HIPK3: variants seen among roughly 807,000 people sequenced by gnomAD.
HIPK3 encodes homeodomain interacting protein kinase 3, also known as homeodomain-interacting protein kinase 3.
A neutral mutation model predicts 124.2 loss-of-function variants in HIPK3; 47 were observed. The ratio of observed to expected loss-of-function variants is 0.38; its 90% CI spans 0.30 to 0.48. The LOEUF is 0.48. Among genes scored for constraint, HIPK3 ranks in the 20% least tolerant of loss-of-function variants. HIPK3 has a pLI of 0.98. For synonymous variants in HIPK3, 482 were observed against 515.2 expected (o/e 0.94, Z 0.87); for missense variants, 1,286 against 1,454.3 (o/e 0.88, Z 1.88).
At chr11:33,260,196 A>G (rs75843325) in intron 1 of HIPK3, among the ~76,000 whole-genome samples, 5 of 152,336 alleles carry the variant, frequency 3.3e-5, no homozygotes, top group African/African-American at 1.2e-4. Flanking sequence ...ATACCATAAA[A>G]TAGGGTGTAA....
Position 33,353,547 on chromosome 11 carries a change from C to T in HIPK3, c.3627C>T (p.Leu1209=). ...YTGFPLSPTK[L]SQYPYM is the part of the protein sequence containing the mutation. ...GATTTCCACTGAGTCCAACAAAACT[C>T]AGCCAGTATCCATATATGTGAAAAA... Residue 1209 remains leucine (L), a synonymous_variant, in exon 17 of 17, where the codon CTC becomes CTT. Coordinates refer to ENST00000303296, the MANE Select transcript of HIPK3 (RefSeq NM_005734.5). The T allele has an allele frequency of 1.2e-6, 2 of 1,604,010 alleles. No homozygotes were observed. Among genetic ancestry groups the T allele is most frequent in the African/African-American group, 1.3e-5 (1 of 74,788 alleles).
At position 33,341,079 on chromosome 11, in the gene HIPK3, T is replaced by G; in HGVS notation, c.1725T>G (p.Thr575=). The change falls in exon 7 of 17, where the codon ACT becomes ACG. Residue 575 remains threonine, a synonymous_variant. Coordinates refer to ENST00000303296, the MANE Select transcript of HIPK3 (RefSeq NM_005734.5). ...SLLRPVASSS[T]ATLTANFTKI... The stretch of plus-strand genomic sequence containing the variant: ...TAAGACCAGTTGCTTCAAGCAGTAC[T>G]GCTACACTGACTGCAAATTTTACTA... 6.2e-7 allele frequency: 1 copy of G among 1,604,718 alleles called. No homozygotes were observed. The highest frequency in any genetic ancestry group is 8.5e-7 in the Non-Finnish European group (1 of 1,176,804).
At chr11:33,347,235 T>C (rs1853520843) in intron 8 of HIPK3, 58 bp from the exon 9 acceptor site, 2 of 1,483,328 alleles carry the variant, frequency 1.3e-6, no homozygotes, top group African/African-American at 2.8e-5. Flanking sequence ...AAAATAATTG[T>C]ATAAGTTAAA....
chr11:33,266,418 A>G (rs1180044447), intron 1 of HIPK3, among the ~76,000 whole-genome samples: 1 of 152,134 alleles, frequency 6.6e-6, no homozygotes, highest in Non-Finnish European at 1.5e-5. Flanking sequence ...AAAATAAGTC[A>G]TTGAAAAATA....
chr11:33,315,197 A>G (rs568455318), intron 2 of HIPK3, among the ~76,000 whole-genome samples: 12 of 152,166 alleles, frequency 7.9e-5, no homozygotes, highest in Middle Eastern at 3.4e-3. Flanking sequence ...CTCTCTTGAT[A>G]TATGTTAGTA....
chr11:33,294,481 A>G (rs569594603), intron 2 of HIPK3, among the ~76,000 whole-genome samples: 4 of 152,164 alleles, frequency 2.6e-5, no homozygotes, highest in Non-Finnish European at 5.9e-5. Context: ...CTTTACCTCT[A>G]AATGCTTCAG....
At chr11:33,262,365 T>G (rs1023514512) in intron 1 of HIPK3, among the ~76,000 whole-genome samples, 1 of 152,202 alleles carries the variant, frequency 6.6e-6, no homozygotes, top group Non-Finnish European at 1.5e-5. Context: ...AGGATGTATG[T>G]TACACATTTA....
intron 1 of HIPK3, among the ~76,000 whole-genome samples, chr11:33,260,654 A>G (rs796267539): frequency 2.6e-4 from 39 of 152,356 alleles, no homozygotes; most frequent in African/African-American, 8.9e-4. Context: ...AGGCATAAAA[A>G]TGTAGTTCCC....
chr11:33,349,108 T>G (rs1853583313), intron 13 of HIPK3, 39 bp from the exon 14 acceptor site: 1 of 1,589,142 alleles, frequency 6.3e-7, no homozygotes, highest in Non-Finnish European at 8.6e-7. Context: ...AGTATCTTCT[T>G]GTATTTGACT....
chr11:33,262,871 A>C (rs532871743), intron 1 of HIPK3, among the ~76,000 whole-genome samples: 2 of 151,694 alleles, frequency 1.3e-5, no homozygotes, highest in African/African-American at 2.4e-5. Flanking sequence ...GGGCTGGAGT[A>C]TAGTGGTATG....
chr11:33,313,671 A>G (rs1852413339), intron 2 of HIPK3, among the ~76,000 whole-genome samples: 1 of 152,146 alleles, frequency 6.6e-6, no homozygotes, highest in Admixed American at 6.5e-5. Flanking sequence ...AAAAAAGTAT[A>G]GGAAAAATAC....
At chr11:33,349,444 T>G (rs966735068) in intron 14 of HIPK3, among the ~76,000 whole-genome samples, 157 bp downstream of exon 14, 5 of 145,056 alleles carry the variant, frequency 3.4e-5, no homozygotes, top group Non-Finnish European at 7.4e-5. Context: ...AACACAGGTT[T>G]GTTTGTTTGT....
chr11:33,346,388 C>T (rs1853493708), intron 8 of HIPK3, among the ~76,000 whole-genome samples: 1 of 152,154 alleles, frequency 6.6e-6, no homozygotes, highest in Non-Finnish European at 1.5e-5. Flanking sequence ...GTTTTATCAT[C>T]AAATTGGTAA....
intron 2 of HIPK3, among the ~76,000 whole-genome samples, chr11:33,290,044 A>G (rs1468591755): frequency 6.6e-6 from 1 of 152,130 alleles, no homozygotes; most frequent in African/African-American, 2.4e-5. Flanking sequence ...TTCTTTATCC[A>G]TTCATCTGTT....
intron 1 of HIPK3, among the ~76,000 whole-genome samples, chr11:33,267,267 C>T: frequency 6.6e-6 from 1 of 151,728 alleles, no homozygotes; most frequent in East Asian, 1.9e-4. Flanking sequence ...CAACTGCCAC[C>T]ACGCCCGGCT....
intron 5 of HIPK3, among the ~76,000 whole-genome samples, 176 bp from the exon 6 acceptor site, chr11:33,339,174 T>G (rs747273781): frequency 4.6e-5 from 7 of 152,254 alleles, no homozygotes; most frequent in Non-Finnish European, 8.8e-5. Context: ...TCCTATTTGG[T>G]ACCTCAACAC....
chr11:33,296,531 C>G (rs1851846488), intron 2 of HIPK3, among the ~76,000 whole-genome samples: 1 of 152,206 alleles, frequency 6.6e-6, no homozygotes, highest in Non-Finnish European at 1.5e-5. Context: ...AGGTTTGTGG[C>G]AACCTTGTGT....
chr11:33,323,482 A>T (rs1298573245), intron 2 of HIPK3, among the ~76,000 whole-genome samples: 3 of 152,140 alleles, frequency 2.0e-5, no homozygotes, highest in Non-Finnish European at 2.9e-5. Context: ...ACCTCAAGTG[A>T]TCCTCCCGGC....
At chr11:33,324,136 A>G (rs1852742233) in intron 2 of HIPK3, among the ~76,000 whole-genome samples, 1 of 152,228 alleles carries the variant, frequency 6.6e-6, no homozygotes, top group African/African-American at 2.4e-5. Flanking sequence ...ATACATAAGT[A>G]TATTTAGCCC....
Sources: allele counts gnomAD v4.1 joint callset (sites outside exome capture counted in the v4.1 genomes callset), GRCh38; gene constraint gnomAD v4.1.1; transcripts MANE v1.5; gene names NCBI Gene and HGNC (gene_info 2026-07-23, HGNC 2026-07-21).